The following SLC35D1 variants were observed in gnomAD, a reference collection of about 807,000 sequenced individuals.
The protein encoded by SLC35D1 is solute carrier family 35 member D1.
SLC35D1 carries 31 observed loss-of-function variants against 46.7 expected under a neutral mutation model. The ratio of observed to expected loss-of-function variants is 0.66; its 90% CI spans 0.50 to 0.90. The LOEUF is 0.90. SLC35D1 is among the 40% of genes least tolerant of loss of function. The pLI is 0.00. For synonymous variants in SLC35D1, 195 were observed against 164.6 expected (o/e 1.18, Z -1.41); for missense variants, 397 against 426.2 (o/e 0.93, Z 0.60).
chr1:67,005,785 T>C (rs999427256), intron 11 of SLC35D1, among the ~76,000 whole-genome samples: 5 of 152,198 alleles, frequency 3.3e-5, no homozygotes. Flanking sequence ...CTCCAACTGC[T>C]GCCTCCCTTA....
At chr1:66,974,693 A>T in the SLC35D1 span, among the ~76,000 whole-genome samples, 1 of 152,166 alleles carries the variant, frequency 6.6e-6, no homozygotes, top group East Asian at 1.9e-4. Context: ...TTTAAATGTT[A>T]CAAGGTAGAA....
At chr1:67,048,524 T>C (rs1180932684) in intron 6 of SLC35D1, among the ~76,000 whole-genome samples, 4 of 152,236 alleles carry the variant, frequency 2.6e-5, no homozygotes, top group Non-Finnish European at 2.9e-5. Context: ...CACTCTCTTT[T>C]TTTTAGAATG....
intron 8 of SLC35D1, among the ~76,000 whole-genome samples, chr1:67,037,853 A>C (rs1668154834): frequency 1.3e-5 from 2 of 152,202 alleles, no homozygotes; most frequent in South Asian, 4.1e-4. Flanking sequence ...AAAAATTACT[A>C]AGAAAAAAAT....
At chr1:67,011,951 A>G (rs1276711605) in intron 10 of SLC35D1, among the ~76,000 whole-genome samples, 1 of 152,168 alleles carries the variant, frequency 6.6e-6, no homozygotes, top group Non-Finnish European at 1.5e-5. Context: ...TTGCTCTGTC[A>G]TAAAAATTAG....
At chr1:67,030,468 C>G (rs1667995629) in intron 8 of SLC35D1, among the ~76,000 whole-genome samples, 1 of 152,070 alleles carries the variant, frequency 6.6e-6, no homozygotes, top group South Asian at 2.1e-4. Context: ...AATAATAAGG[C>G]CTCATCTACA....
intron 8 of SLC35D1, among the ~76,000 whole-genome samples, chr1:67,025,256 T>C (rs943501689): frequency 6.6e-6 from 1 of 152,230 alleles, no homozygotes; most frequent in African/African-American, 2.4e-5. Context: ...TTAATGTTTG[T>C]ATATTCCACA....
intron 8 of SLC35D1, among the ~76,000 whole-genome samples, chr1:67,025,193 A>G (rs1667892778): frequency 6.6e-6 from 1 of 152,214 alleles, no homozygotes; most frequent in African/African-American, 2.4e-5. Context: ...TAGGACTTCA[A>G]TATATGAATC....
chr1:66,988,622 TTGAG>T, the SLC35D1 span: 17 of 152,296 alleles, frequency 1.1e-4, no homozygotes, highest in Admixed American at 3.3e-4. Context: ...TTGCTTGCTC[TTGAG>T]TAAGAAGTAA....
At chr1:66,979,294 C>T in the SLC35D1 span, among the ~76,000 whole-genome samples, 5 of 152,310 alleles carry the variant, frequency 3.3e-5, no homozygotes, top group African/African-American at 1.2e-4. Context: ...CTTCATAAAA[C>T]ATTAAGCTAA....
chr1:66,982,865 G>GT, the SLC35D1 span, among the ~76,000 whole-genome samples: 1 of 152,170 alleles, frequency 6.6e-6, no homozygotes, highest in Non-Finnish European at 1.5e-5. Flanking sequence ...GGTCCAAGAA[G>GT]GTTTATTGAC....
intron 10 of SLC35D1, among the ~76,000 whole-genome samples, chr1:67,015,514 CA>C (rs34005715): frequency 0.58 from 88,104 of 151,820 alleles, 27,749 homozygotes; most frequent in East Asian, 0.84. Flanking sequence ...CTCAGCCTCC[CA>C]AGCAGCTGGA....
chr1:67,050,838 C>A (rs746410935), intron 4 of SLC35D1, among the ~76,000 whole-genome samples: 4 of 152,178 alleles, frequency 2.6e-5, no homozygotes, highest in African/African-American at 4.8e-5. Context: ...CTTCCCACCC[C>A]CTAGACCACC....
At chr1:66,973,001 GATA>G in the SLC35D1 span, 3 of 1,507,738 alleles carry the variant, frequency 2.0e-6, no homozygotes, top group Non-Finnish European at 1.8e-6. Flanking sequence ...AGTAAGTAAT[GATA>G]ATCTCTTTTT....
intron 8 of SLC35D1, among the ~76,000 whole-genome samples, chr1:67,027,121 T>G (rs866763828): frequency 6.6e-6 from 1 of 152,206 alleles, no homozygotes; most frequent in Non-Finnish European, 1.5e-5. Context: ...CTTTGGTACA[T>G]AGTTTGTCTT....
chr1:67,017,926 C>G (rs1484565603), intron 10 of SLC35D1, among the ~76,000 whole-genome samples: 2 of 152,126 alleles, frequency 1.3e-5, no homozygotes, highest in Admixed American at 6.6e-5. Flanking sequence ...CTGATGACCT[C>G]TGGCCCAAAT....
At chr1:67,038,009 T>C (rs529560380) in intron 8 of SLC35D1, among the ~76,000 whole-genome samples, 39 of 152,306 alleles carry the variant, frequency 2.6e-4, no homozygotes, top group African/African-American at 8.9e-4. Context: ...CTTGCTCTTA[T>C]TTAAAAAGAG....
chr1:67,034,995 C>T (rs2102324487), intron 8 of SLC35D1, among the ~76,000 whole-genome samples: 1 of 152,242 alleles, frequency 6.6e-6, no homozygotes, highest in East Asian at 1.9e-4. Context: ...CCTGAACCAT[C>T]CTTGCATCCC....
At chr1:67,044,270 A>C (rs1645226211) in intron 7 of SLC35D1, among the ~76,000 whole-genome samples, 1 of 150,988 alleles carries the variant, frequency 6.6e-6, no homozygotes, top group Non-Finnish European at 1.5e-5. Flanking sequence ...CAGGAGACAC[A>C]GGCTGCAGTA....
chr1:67,042,200 A>C, intron 8 of SLC35D1, 36 bp downstream of exon 8: 1 of 1,518,260 alleles, frequency 6.6e-7, no homozygotes, highest in Non-Finnish European at 9.1e-7. Context: ...GCAGTTCATC[A>C]ACGTAAGCCA....
Sources: allele counts gnomAD v4.1 joint callset (sites outside exome capture counted in the v4.1 genomes callset), GRCh38; gene constraint gnomAD v4.1.1; transcripts MANE v1.5; gene names NCBI Gene and HGNC (gene_info 2026-07-23, HGNC 2026-07-21).